THPO: variants seen among roughly 807,000 people sequenced by gnomAD.
THPO encodes the protein MPL ligand.
Under a neutral mutation model 17.0 loss-of-function variants are expected in THPO, and 12 were observed. The ratio of observed to expected loss-of-function variants is 0.71; its 90% CI spans 0.45 to 1.14. The LOEUF (loss-of-function observed/expected upper bound fraction) is 1.14, where lower values mean the gene tolerates loss of function less well. THPO is among the 50% of genes most tolerant of loss of function. THPO has a pLI of 0.00. For synonymous variants in THPO, 188 were observed against 183.0 expected (o/e 1.03, Z -0.22); for missense variants, 365 against 427.5 (o/e 0.85, Z 1.29).
At position 184,375,617 on chromosome 3, in the gene THPO, G is replaced by T; in HGVS notation, c.142-16C>A. The T allele has an allele frequency of 6.2e-7, 1 of 1,613,452 alleles. No individual in the cohort carries two copies. Among genetic ancestry groups the T allele is most frequent in the Non-Finnish European group, 8.5e-7 (1 of 1,179,430 alleles). The stretch of plus-strand genomic sequence containing the variant: ...GGCACTGGCTCTGTTGAAAAAGATT[G>T]GTGGGGGGAGAAGGGAGCTGAAATA... On this transcript the variant is annotated splice_polypyrimidine_tract_variant and intron_variant, in intron 3 of 5. Transcript: ENST00000647395.
At position 184,375,578 on chromosome 3, in the gene THPO, A is replaced by C; in HGVS notation, c.165T>G (p.Pro55=). 6.2e-7 allele frequency: 1 copy of C among 1,614,114 alleles called. No individual in the cohort carries two copies. Among genetic ancestry groups the C allele is most frequent in the Non-Finnish European group, 8.5e-7 (1 of 1,180,002 alleles). Residue 55 remains proline, a synonymous_variant, in exon 4 of 6, where the codon CCT becomes CCG. Transcript: ENST00000647395. ...CAGGCAGCAGGACAGGTGTAGGCAA[A>C]GGGTGAACCTCTGGGCACTGGCTCT... ...SRLSQCPEVH[P]LPTPVLLPAV...
At chr3:184,373,698 C>T in intron 4 of THPO, 116 bp from the exon 5 acceptor site, 1 of 1,204,426 alleles carries the variant, frequency 8.3e-7, no homozygotes, top group Non-Finnish European at 1.2e-6. Flanking sequence ...CTGGACAGGA[C>T]CAAGGTCCCA....
intron 4 of THPO, among the ~76,000 whole-genome samples, chr3:184,374,248 C>A (rs762295636): frequency 2.0e-5 from 3 of 152,060 alleles, no homozygotes; most frequent in Non-Finnish European, 4.4e-5. Flanking sequence ...AATAAATAAA[C>A]TAAATGTAGG....
At position 184,373,493 on chromosome 3, in the gene THPO, G is replaced by A. The variant is rs749851464; in HGVS notation, c.318C>T (p.Cys106=). 1.2e-6 allele frequency: 2 copies of A among 1,614,154 alleles called. No individual in the cohort carries two copies. The highest frequency in any genetic ancestry group is 1.7e-5 in the Admixed American group (1 of 60,018). The change falls in exon 5 of 6, where the codon TGC becomes TGT. Residue 106 remains cysteine, a synonymous_variant. Coordinates refer to ENST00000647395, the MANE Select transcript of THPO (RefSeq NM_000460.4). Reference sequence around the variant, plus strand: ...AAAGCTGCCCCAGGAGGGATGAGAGGCAAGTGGGTCCCAGTTGTCCCCGTG... The same window carrying A: ...AAAGCTGCCCCAGGAGGGATGAGAGACAAGTGGGTCCCAGTTGTCCCCGTG... ...MAARGQLGPT[C]LSSLLGQLSG...
At chr3:184,376,045 T>C in intron 2 of THPO, 30 bp from the exon 3 acceptor site, 3 of 1,613,848 alleles carry the variant, frequency 1.9e-6, no homozygotes, top group Non-Finnish European at 8.5e-7. Context: ...GGTTGAAAGA[T>C]GAGGAGGAAA....
In THPO at chr3:184,373,193, T is replaced by A. The variant is rs903377137; in HGVS notation, c.397-15A>T. On this transcript the variant is annotated splice_polypyrimidine_tract_variant and intron_variant, in intron 5 of 5. Transcript: ENST00000647395. ...TGTGGAGGAAGCTGAGGGCAGAGGA[T>A]GGTCCTGAGGCCAAACACCAGGGCC... 1.9e-6 allele frequency: 3 copies of A among 1,608,976 alleles called. No homozygotes were observed. The Admixed American group carries it at 5.0e-5, about 27-fold the overall frequency.
At position 184,372,683 on chromosome 3, in the gene THPO, G is replaced by A. The variant is rs1714002570; in HGVS notation, c.892C>T (p.His298Tyr). The change falls in exon 6 of 6, where the codon CAT (histidine) becomes TAT (tyrosine). Residue 298 changes from histidine to tyrosine, a missense_variant. Physicochemically the swap from His to Tyr is moderately conservative, Grantham distance 83. Transcript: ENST00000647395. ...AGCGTATACTGTCCAGTAGGAGGAT[G>A]GGTTGGGGAAGGAGAATATCCAGGC... is the stretch of plus-strand genomic sequence containing the variant. ...LQPGYSPSPT[H>Y]PPTGQYTLFP... The A allele has an allele frequency of 1.2e-6, 2 of 1,613,138 alleles. No homozygotes were observed. The highest frequency in any genetic ancestry group is 1.7e-6 in the Non-Finnish European group (2 of 1,179,196).
At position 184,373,453 on chromosome 3, in the gene THPO, G is replaced by A. The variant is rs758444950; in HGVS notation, c.358C>T (p.Leu120Phe). 1 of 1,614,098 alleles carries A rather than the reference G, an allele frequency of 6.2e-7. No homozygotes were observed. Among genetic ancestry groups the A allele is most frequent in the Admixed American group, 1.7e-5 (1 of 60,014 alleles). ...AGGCTCTGCAGGGCCCCAAGGAGGA[G>A]ACGGACCTGTCCAGAAAGCTGCCCC... is the stretch of plus-strand genomic sequence containing the variant. ...LLGQLSGQVR[L>F]LLGALQSLLG... The change falls in exon 5 of 6, where the codon CTC (leucine) becomes TTC (phenylalanine). Residue 120 changes from leucine (L) to phenylalanine (F), a missense_variant. Physicochemically the swap from Leu to Phe is conservative, Grantham distance 22 (BLOSUM62 0). Transcript: ENST00000647395.
intron 4 of THPO, 150 bp downstream of exon 4, chr3:184,375,365 T>C (rs1714300326): frequency 1.3e-6 from 1 of 756,956 alleles, no homozygotes; most frequent in Non-Finnish European, 2.4e-6. Context: ...CCACAGGCTA[T>C]CATCATAGGT....
Position 184,373,681 on chromosome 3 carries a change from C to T in THPO, c.229-99G>A, listed in dbSNP as rs555893958. On this transcript the variant is annotated intron_variant, in intron 4 of 5. Transcript: ENST00000647395. ...TAGCCAGCAGAGTGAATCATACAGG[C>T]TGAGAACTGGACAGGACCAAGGTCC... 283 of 1,379,654 alleles carry T rather than the reference C, an allele frequency of 2.1e-4. No individual in the cohort carries two copies. The African/African-American group carries it at 2.4e-3, about 12-fold the overall frequency. 85.5% of individuals were successfully genotyped at this position (1,379,654 alleles called of 1,614,324 possible).
At chr3:184,378,266 C>G (rs1334254229), upstream of THPO, 2 of 985,438 alleles carry the variant, frequency 2.0e-6, no homozygotes, top group Non-Finnish European at 2.4e-6. Flanking sequence ...GTGACGCCTT[C>G]TCTTCCCTGG....
intron 4 of THPO, among the ~76,000 whole-genome samples, chr3:184,374,269 T>C (rs1010662579): frequency 6.6e-6 from 1 of 152,146 alleles, no homozygotes; most frequent in African/African-American, 2.4e-5. Context: ...TATGAGACTC[T>C]ACCATAATGA....
rs531664677 is a variant in THPO, at chr3:184,376,935, A to G, written c.-145-531T>C. Among the ~76,000 whole-genome samples the G allele has an allele frequency of 3.3e-5, 5 of 152,330 alleles. No homozygotes were observed. In the East Asian group the frequency reaches 5.8e-4, roughly 18 times the overall value. On this transcript the variant is annotated intron_variant, in intron 1 of 5. Coordinates refer to ENST00000647395, the MANE Select transcript of THPO (RefSeq NM_000460.4). ...GTCAGGACTCCTCAGTGAATCGGAC[A>G]TGGATTTGGTGCCACCTACCCCTGC...
chr3:184,378,984 C>G (rs1289277710), upstream of THPO: 4 of 445,984 alleles, frequency 9.0e-6, no homozygotes, highest in East Asian at 1.6e-4. Flanking sequence ...GGCCCTGGCT[C>G]TAGCTCCTTT....
chr3:184,374,152 C>G (rs533702551), intron 4 of THPO, among the ~76,000 whole-genome samples: 1 of 152,076 alleles, frequency 6.6e-6, no homozygotes, highest in South Asian at 2.1e-4. Flanking sequence ...CGCTTGAATC[C>G]GGGAGGCTGA....
chr3:184,378,873 T>A, upstream of THPO: 12 of 985,360 alleles, frequency 1.2e-5, no homozygotes, highest in Non-Finnish European at 1.4e-5. Flanking sequence ...CCGTTCCACA[T>A]GTGACAAGAG....
At chr3:184,374,733 G>A (rs969617034) in intron 4 of THPO, among the ~76,000 whole-genome samples, 3 of 152,204 alleles carry the variant, frequency 2.0e-5, no homozygotes, top group Non-Finnish European at 4.4e-5. Flanking sequence ...GATGGAAGCA[G>A]GGCATTGTGG....
chr3:184,376,599 C>A (rs989716482), intron 1 of THPO, among the ~76,000 whole-genome samples, 195 bp from the exon 2 acceptor site: 1 of 152,086 alleles, frequency 6.6e-6, no homozygotes, highest in African/African-American at 2.4e-5. Flanking sequence ...AATCCCAGCA[C>A]TTTGGGAGTC....
chr3:184,373,287 G>T, intron 5 of THPO, 109 bp from the exon 6 acceptor site: 1 of 1,559,794 alleles, frequency 6.4e-7, no homozygotes, highest in East Asian at 2.3e-5. Context: ...TGGCTGGCAG[G>T]GAGCACTCTT....
Sources: gnomAD v4.1 joint callset for allele counts (sites outside exome capture counted in the v4.1 genomes callset) on GRCh38, gnomAD v4.1.1 for gene constraint, MANE v1.5 for transcripts, NCBI Gene and HGNC (gene_info 2026-07-23, HGNC 2026-07-21) for gene names.